TSGA10: variants seen among roughly 807,000 people sequenced by gnomAD.
TSGA10 encodes the protein testis specific 10, also known as testis-specific gene 10 protein.
A neutral mutation model predicts 96.6 loss-of-function variants in TSGA10; 43 were observed. The ratio of observed to expected loss-of-function variants is 0.44; its 90% CI spans 0.35 to 0.57. The LOEUF is 0.57. TSGA10 is among the 20% of genes least tolerant of loss of function. TSGA10 has a pLI of 0.01. For missense variants in TSGA10, 703 were observed against 834.4 expected, an observed-to-expected ratio of 0.84 and a Z score of 1.94; for synonymous variants, 229 against 269.9, an observed-to-expected ratio of 0.85 and a Z score of 1.48.
intron 20 of TSGA10, among the ~76,000 whole-genome samples, chr2:99,002,335 A>G (rs890743507): frequency 1.2e-4 from 19 of 152,248 alleles, no homozygotes; most frequent in Non-Finnish European, 1.9e-4. Flanking sequence ...AATATTCAAC[A>G]TTCTTAAAGA....
chr2:99,105,076 G>A (rs2091199078), intron 9 of TSGA10, among the ~76,000 whole-genome samples: 1 of 152,026 alleles, frequency 6.6e-6, no homozygotes, highest in African/African-American at 2.4e-5. Flanking sequence ...AACAAAATAT[G>A]GAGATGAGAA....
intron 17 of TSGA10, among the ~76,000 whole-genome samples, chr2:99,030,380 G>T (rs2081029381): frequency 6.6e-6 from 1 of 151,628 alleles, no homozygotes; most frequent in Admixed American, 6.6e-5. Flanking sequence ...GGGCATGCTG[G>T]CTAACGCCTG....
intron 10 of TSGA10, among the ~76,000 whole-genome samples, chr2:99,103,415 C>T (rs1282171307): frequency 6.6e-6 from 1 of 152,194 alleles, no homozygotes; most frequent in African/African-American, 2.4e-5. Context: ...AACTCATTCT[C>T]CCAAGCTTAT....
At chr2:99,047,604 C>T (rs1429805902) in intron 16 of TSGA10, among the ~76,000 whole-genome samples, 2 of 152,012 alleles carry the variant, frequency 1.3e-5, no homozygotes, top group Non-Finnish European at 2.9e-5. Context: ...TATGACAAAC[C>T]CACAGCCAAT....
intron 10 of TSGA10, among the ~76,000 whole-genome samples, chr2:99,089,264 C>T (rs2088971723): frequency 1.3e-5 from 2 of 152,170 alleles, no homozygotes; most frequent in Admixed American, 6.5e-5. Flanking sequence ...TCTCAGTCCC[C>T]AGGGAAGCCA....
chr2:99,043,591 T>C (rs2082426250), intron 16 of TSGA10, among the ~76,000 whole-genome samples: 1 of 152,162 alleles, frequency 6.6e-6, no homozygotes, highest in South Asian at 2.1e-4. Flanking sequence ...CACATCATTA[T>C]AAAAATGCTG....
At chr2:99,063,833 A>T (rs1392815368) in intron 16 of TSGA10, among the ~76,000 whole-genome samples, 1 of 152,038 alleles carries the variant, frequency 6.6e-6, no homozygotes, top group African/African-American at 2.4e-5. Context: ...GAAAAAGATA[A>T]GCTATGCAAT....
At chr2:99,003,924 A>G (rs1386891886) in intron 20 of TSGA10, among the ~76,000 whole-genome samples, 1 of 152,226 alleles carries the variant, frequency 6.6e-6, no homozygotes, top group Non-Finnish European at 1.5e-5. Context: ...TTCAAAAGCT[A>G]GCAGAAGACA....
chr2:99,055,902 T>C (rs935115833), intron 16 of TSGA10, among the ~76,000 whole-genome samples: 2 of 115,510 alleles, frequency 1.7e-5, no homozygotes, highest in African/African-American at 6.2e-5. Context: ...ATTACTGAAA[T>C]AAAGAAAATA....
At chr2:99,027,185 C>T (rs1228538847) in intron 17 of TSGA10, among the ~76,000 whole-genome samples, 3 of 152,288 alleles carry the variant, frequency 2.0e-5, no homozygotes, top group African/African-American at 7.2e-5. Flanking sequence ...TACAGGTCTG[C>T]GGCCCAAGGG....
chr2:99,065,618 G>A (rs2085183554), intron 15 of TSGA10, among the ~76,000 whole-genome samples: 1 of 152,092 alleles, frequency 6.6e-6, no homozygotes, highest in Non-Finnish European at 1.5e-5. Flanking sequence ...TCTGGTGTCT[G>A]CCTTTTATTC....
Position 99,053,457 on chromosome 2 carries a change from A to G in TSGA10, c.1404+11482T>C, listed in dbSNP as rs753581211. 1.9e-4 allele frequency among the ~76,000 whole-genome samples: 29 copies of G among 152,326 alleles called. No individual in the cohort carries two copies. In the Middle Eastern group the frequency reaches 0.01, roughly 54 times the overall value. On this transcript the variant is annotated intron_variant, in intron 16 of 20. Transcript: ENST00000393483. ...CCCTGAGATGCAAGGATGGTTCAAC[A>G]TATACAAATCAATCCATGTGAAAGG...
At chr2:99,043,655 A>T (rs1461026925) in intron 16 of TSGA10, among the ~76,000 whole-genome samples, 1 of 152,242 alleles carries the variant, frequency 6.6e-6, no homozygotes, top group Non-Finnish European at 1.5e-5. Flanking sequence ...TGTCAATTGC[A>T]CAGGAACTCC....
In TSGA10 at chr2:99,000,654, T is replaced by C. The variant is rs546040900; in HGVS notation, c.2073-2433A>G. ...ACCAGGTTCATCTCACTGGGACTTG[T>C]TGGACAGTGGGTGCAGCCCACAGAG... On this transcript the variant is annotated intron_variant, in intron 20 of 20. Coordinates refer to ENST00000393483, the MANE Select transcript of TSGA10 (RefSeq NM_025244.4). Among the ~76,000 whole-genome samples, 24 of 152,288 alleles carry C rather than the reference T, an allele frequency of 1.6e-4. 1 individual carries two copies. In the South Asian group the frequency reaches 5.0e-3, roughly 32 times the overall value.
At chr2:99,036,402 G>A (rs1415499549) in intron 16 of TSGA10, among the ~76,000 whole-genome samples, 1 of 151,936 alleles carries the variant, frequency 6.6e-6, no homozygotes, top group Admixed American at 6.6e-5. Context: ...ACTGTGGCTA[G>A]GTACATATTC....
rs747945154 is a variant in TSGA10, at chr2:99,020,490, A to G, written c.1615-8T>C. ...ATCTAACTCATTCTCCCTCTGTTCAATAACAAGAAGATATCTACACTTATT... is the reference window on the plus strand; with the variant it reads ...ATCTAACTCATTCTCCCTCTGTTCAGTAACAAGAAGATATCTACACTTATT... On this transcript the variant is annotated splice_region_variant and splice_polypyrimidine_tract_variant and intron_variant, in intron 17 of 20. Coordinates refer to ENST00000393483, the MANE Select transcript of TSGA10 (RefSeq NM_025244.4). The G allele has an allele frequency of 3.1e-6, 5 of 1,596,242 alleles. No homozygotes were observed. The highest frequency in any genetic ancestry group is 4.3e-6 in the Non-Finnish European group (5 of 1,165,178).
In TSGA10 at chr2:99,124,616, G is replaced by A. The variant is rs954819170; in HGVS notation, c.-492+2432C>T. ...ATATATTTTTTTGAGACAGAATCTC[G>A]GTCTGTCGCCCAGGCTGGAGTGCAG... On this transcript the variant is annotated intron_variant, in intron 2 of 20. Coordinates refer to ENST00000393483, the MANE Select transcript of TSGA10 (RefSeq NM_025244.4). 5.3e-5 allele frequency among the ~76,000 whole-genome samples: 8 copies of A among 151,722 alleles called. No individual in the cohort carries two copies. In the East Asian group the frequency reaches 5.8e-4, roughly 11 times the overall value.
chr2:99,030,831 C>G (rs1431927754), intron 17 of TSGA10, among the ~76,000 whole-genome samples: 1 of 152,104 alleles, frequency 6.6e-6, no homozygotes, highest in East Asian at 1.9e-4. Context: ...GAAAACTACA[C>G]AGTTAACAAA....
intron 16 of TSGA10, among the ~76,000 whole-genome samples, chr2:99,054,444 CATTGACCAGGGTAGTG>C (rs1284339982): frequency 1.3e-5 from 2 of 152,128 alleles, no homozygotes; most frequent in African/African-American, 4.8e-5. Flanking sequence ...TGCTTCTTGA[CATTGACCAGGGTAGTG>C]ATTGTTTTGG....
Sources: gnomAD v4.1 joint callset for allele counts (sites outside exome capture counted in the v4.1 genomes callset) on GRCh38, gnomAD v4.1.1 for gene constraint, MANE v1.5 for transcripts, NCBI Gene and HGNC (gene_info 2026-07-23, HGNC 2026-07-21) for gene names.